M1AP: variants seen among roughly 807,000 people sequenced by gnomAD.
M1AP encodes meiosis 1 arrest protein.
M1AP carries 39 observed loss-of-function variants against 51.2 expected under a neutral mutation model. The ratio of observed to expected loss-of-function variants is 0.76; its 90% confidence interval spans 0.59 to 1.00. M1AP has a LOEUF of 1.00. Ranked by LOEUF, M1AP falls within the 50% of genes least tolerant of loss-of-function variation. The pLI is 0.00. For synonymous variants in M1AP, 251 were observed against 249.2 expected (o/e 1.01, Z -0.07); for missense variants, 545 against 641.2 (o/e 0.85, Z 1.62).
chr2:74,596,586 GAAC>G lies in M1AP; in HGVS notation c.595+10466_595+10468del, dbSNP rs202200009. Among the ~76,000 whole-genome samples, 495 of 150,642 alleles carry G rather than the reference GAAC, an allele frequency of 3.3e-3. 2 individuals carry two copies. Among genetic ancestry groups the G allele is most frequent in the African/African-American group, 9.3e-3 (381 of 41,030 alleles). Reference sequence around the variant, plus strand: ...AAAAGAGCGAGACTCCATCTCAAAAGAACAACAACAACAACAACAACAACAACA... The same window carrying G: ...AAAAGAGCGAGACTCCATCTCAAAAGAACAACAACAACAACAACAACAACA... On this transcript the variant is annotated intron_variant, in intron 4 of 10. Coordinates refer to ENST00000421985, the MANE Select transcript of M1AP (RefSeq NM_001321739.2).
At chr2:74,618,921 G>C (rs1267629222) in intron 2 of M1AP, 1 of 532,430 alleles carries the variant, frequency 1.9e-6, no homozygotes, top group Non-Finnish European at 3.8e-6. Flanking sequence ...TTGTCTTTGG[G>C]GAAAAGCGTC....
intron 6 of M1AP, 75 bp downstream of exon 6, chr2:74,576,381 A>G (rs184357128): frequency 7.9e-5 from 117 of 1,481,316 alleles, no homozygotes; most frequent in Non-Finnish European, 1.1e-4. Context: ...GATACCATCT[A>G]TCTCTGGAGT....
intron 7 of M1AP, among the ~76,000 whole-genome samples, 156 bp from the exon 8 acceptor site, chr2:74,562,579 C>T (rs561022917): frequency 1.3e-5 from 2 of 152,244 alleles, no homozygotes; most frequent in Admixed American, 6.5e-5. Context: ...CTGCATGAAT[C>T]ATCAATATCA....
intron 3 of M1AP, among the ~76,000 whole-genome samples, chr2:74,610,593 T>C (rs10178361): frequency 0.096 from 14,528 of 152,118 alleles, 2,017 homozygotes; most frequent in African/African-American, 0.31. Context: ...GAACTACAGG[T>C]ATGCACCACC....
At chr2:74,624,086 T>C (rs1682237089) in intron 2 of M1AP, among the ~76,000 whole-genome samples, 1 of 152,242 alleles carries the variant, frequency 6.6e-6, no homozygotes, top group Non-Finnish European at 1.5e-5. Flanking sequence ...TAGAGTTGTC[T>C]TGAAATAGGC....
At chr2:74,560,082 T>A in intron 9 of M1AP, 69 bp downstream of exon 9, 14 of 1,552,748 alleles carry the variant, frequency 9.0e-6, no homozygotes, top group Non-Finnish European at 1.1e-5. Context: ...GAGGAGGGTT[T>A]TCTAGGACTC....
At chr2:74,623,890 T>A (rs934336545) in intron 2 of M1AP, among the ~76,000 whole-genome samples, 1 of 152,150 alleles carries the variant, frequency 6.6e-6, no homozygotes, top group Non-Finnish European at 1.5e-5. Context: ...CAGGCTGGTC[T>A]CGAACTCATG....
At chr2:74,609,386 CT>C in intron 3 of M1AP, among the ~76,000 whole-genome samples, 1 of 152,188 alleles carries the variant, frequency 6.6e-6, no homozygotes, top group East Asian at 1.9e-4. Context: ...AAACAACAGG[CT>C]TTTATTCTTT....
chr2:74,644,294 C>CT (rs1683470490), intron 1 of M1AP, among the ~76,000 whole-genome samples: 1 of 152,174 alleles, frequency 6.6e-6, no homozygotes, highest in Admixed American at 6.5e-5. Context: ...AATCCGAGCA[C>CT]TTTGAGAGGC....
At chr2:74,642,284 A>AAAC (rs1485016639) in intron 1 of M1AP, among the ~76,000 whole-genome samples, 1 of 152,128 alleles carries the variant, frequency 6.6e-6, no homozygotes, top group African/African-American at 2.4e-5. Context: ...ACAAAAAAAA[A>AAAC]CAGCATGACC....
intron 7 of M1AP, among the ~76,000 whole-genome samples, chr2:74,573,088 C>A (rs1678844400): frequency 6.6e-6 from 1 of 152,116 alleles, no homozygotes; most frequent in Admixed American, 6.5e-5. Context: ...ACACTGTTGC[C>A]CAGGCTGGAG....
chr2:74,638,203 C>T (rs1380692452), intron 2 of M1AP, among the ~76,000 whole-genome samples: 3 of 151,936 alleles, frequency 2.0e-5, no homozygotes, highest in South Asian at 2.1e-4. Flanking sequence ...TACAGGCAGC[C>T]GCCATCATGC....
At chr2:74,559,617 C>T in intron 10 of M1AP, 81 bp downstream of exon 10, 1 of 714,506 alleles carries the variant, frequency 1.4e-6, no homozygotes, top group Admixed American at 2.0e-5. Flanking sequence ...TGTCTTCAAC[C>T]CCAGATAGTC....
At chr2:74,575,161 G>T in intron 7 of M1AP, 1 of 326,278 alleles carries the variant, frequency 3.1e-6, no homozygotes, top group South Asian at 1.2e-4. Flanking sequence ...ATACAGGTAC[G>T]TACGGAAAAT....
chr2:74,578,909 C>T (rs1312246803), intron 5 of M1AP, among the ~76,000 whole-genome samples: 1 of 152,002 alleles, frequency 6.6e-6, no homozygotes, highest in Non-Finnish European at 1.5e-5. Context: ...TGTGGCAATA[C>T]ATCAATTTTT....
intron 2 of M1AP, among the ~76,000 whole-genome samples, chr2:74,633,894 C>A (rs1437633705): frequency 6.6e-6 from 1 of 152,170 alleles, no homozygotes; most frequent in Admixed American, 6.5e-5. Context: ...ATATTCCCTT[C>A]TATATTTCTT....
chr2:74,577,479 T>G (rs969789956), intron 5 of M1AP, among the ~76,000 whole-genome samples: 5 of 152,220 alleles, frequency 3.3e-5, no homozygotes, highest in African/African-American at 1.2e-4. Flanking sequence ...ATACAAATGT[T>G]GAGTACTTCT....
intron 4 of M1AP, among the ~76,000 whole-genome samples, chr2:74,582,543 A>G (rs1420577368): frequency 6.6e-6 from 1 of 152,258 alleles, no homozygotes; most frequent in Non-Finnish European, 1.5e-5. Context: ...CCATTTATAT[A>G]AAAATAAAAC....
At chr2:74,593,542 GGCTAA>G (rs1680164243) in intron 4 of M1AP, among the ~76,000 whole-genome samples, 1 of 152,078 alleles carries the variant, frequency 6.6e-6, no homozygotes, top group Admixed American at 6.5e-5. Flanking sequence ...CACTGCATCT[GGCTAA>G]GCTTTGTATT....
Sources: gnomAD v4.1 joint callset for allele counts (sites outside exome capture counted in the v4.1 genomes callset) on GRCh38, gnomAD v4.1.1 for gene constraint, MANE v1.5 for transcripts, NCBI Gene and HGNC (gene_info 2026-07-23, HGNC 2026-07-21) for gene names.